The following CBLIF variants were observed in gnomAD, a reference collection of about 807,000 sequenced individuals.
The protein encoded by CBLIF is cobalamin binding intrinsic factor.
Under a neutral mutation model 44.9 loss-of-function variants are expected in CBLIF, and 24 were observed. The observed-to-expected ratio is 0.53, with a 90% confidence interval of 0.39 to 0.75. The LOEUF (loss-of-function observed/expected upper bound fraction) is 0.75, where lower values mean the gene tolerates loss of function less well. Ranked by LOEUF, CBLIF falls within the 30% of genes least tolerant of loss-of-function variation. The pLI, the probability that CBLIF is intolerant of heterozygous loss-of-function variation, is 0.00. For synonymous variants in CBLIF, 183 were observed against 190.9 expected (o/e 0.96, Z 0.34); for missense variants, 481 against 513.0 (o/e 0.94, Z 0.60).
In CBLIF at chr11:59,842,433, A is replaced by T. The variant is rs1191071469; in HGVS notation, c.511+10T>A. On this transcript the variant is annotated intron_variant, in intron 4 of 8. Coordinates refer to ENST00000257248, the MANE Select transcript of CBLIF (RefSeq NM_005142.3). ...ATGTTCCCAGCTCGGGGTAGTGGTG[A>T]CCTACTCACCTACATTGAAGGGAGA... 5.6e-6 allele frequency: 9 copies of T among 1,613,334 alleles called. No homozygotes were observed. The highest frequency in any genetic ancestry group is 7.6e-6 in the Non-Finnish European group (9 of 1,179,912).
intron 3 of CBLIF, 184 bp from the exon 4 acceptor site, chr11:59,842,767 G>T (rs1866554753): frequency 1.5e-6 from 1 of 661,292 alleles, no homozygotes; most frequent in Non-Finnish European, 2.7e-6. Context: ...CATCTGCAAA[G>T]AATAAAAGGG....
chr11:59,836,831 A>G (rs922539351), intron 6 of CBLIF, among the ~76,000 whole-genome samples: 1 of 152,232 alleles, frequency 6.6e-6, no homozygotes, highest in Non-Finnish European at 1.5e-5. Flanking sequence ...TAAGATATGC[A>G]TAGTGTTTGA....
At chr11:59,838,595 T>C (rs1866484076) in intron 5 of CBLIF, among the ~76,000 whole-genome samples, 1 of 152,162 alleles carries the variant, frequency 6.6e-6, no homozygotes, top group Non-Finnish European at 1.5e-5. Flanking sequence ...TCAGCATCTA[T>C]GAAGCATGGC....
chr11:59,831,923 G>T, intron 7 of CBLIF, 127 bp from the exon 8 acceptor site: 1 of 679,180 alleles, frequency 1.5e-6, no homozygotes, highest in Admixed American at 2.1e-5. Context: ...GTGTGACTTT[G>T]TTACCCAGGC....
intron 6 of CBLIF, among the ~76,000 whole-genome samples, chr11:59,836,898 T>C (rs1565208366): frequency 6.6e-6 from 1 of 152,228 alleles, no homozygotes; most frequent in Non-Finnish European, 1.5e-5. Flanking sequence ...GCTGGGACCA[T>C]GGAGCTTCTT....
At chr11:59,845,305 TG>T in intron 1 of CBLIF, 69 bp downstream of exon 1, 1 of 1,605,262 alleles carries the variant, frequency 6.2e-7, no homozygotes, top group Non-Finnish European at 8.5e-7. Context: ...AACCACTCAG[TG>T]TCAGAGGTCA....
At chr11:59,836,669 C>G (rs1473108292) in intron 6 of CBLIF, among the ~76,000 whole-genome samples, 1 of 152,154 alleles carries the variant, frequency 6.6e-6, no homozygotes, top group African/African-American at 2.4e-5. Context: ...TCTGAAGCCT[C>G]CCAAACAAAA....
intron 5 of CBLIF, among the ~76,000 whole-genome samples, chr11:59,840,477 G>A (rs146531045): frequency 2.0e-5 from 3 of 152,326 alleles, no homozygotes; most frequent in Non-Finnish European, 4.4e-5. Context: ...TATGGAGGCT[G>A]CTGCCCTAAT....
At chr11:59,839,581 A>G (rs902814199) in intron 5 of CBLIF, among the ~76,000 whole-genome samples, 2 of 152,232 alleles carry the variant, frequency 1.3e-5, no homozygotes, top group African/African-American at 2.4e-5. Flanking sequence ...ATTTTAGATT[A>G]GGAAAATATT....
chr11:59,831,520 A>G (rs1866374047), intron 8 of CBLIF, 158 bp downstream of exon 8: 1 of 498,122 alleles, frequency 2.0e-6, no homozygotes, highest in African/African-American at 1.9e-5. Context: ...ATGTGTGTAT[A>G]CATATATAAG....
intron 7 of CBLIF, among the ~76,000 whole-genome samples, chr11:59,834,590 G>A (rs1019776615): frequency 2.6e-5 from 4 of 151,128 alleles, no homozygotes; most frequent in African/African-American, 9.7e-5. Flanking sequence ...ATGAGGTTTC[G>A]CCATGTTGGC....
intron 4 of CBLIF, 90 bp downstream of exon 4, chr11:59,842,353 C>G: frequency 1.1e-5 from 15 of 1,390,340 alleles, no homozygotes; most frequent in Non-Finnish European, 1.5e-5. Flanking sequence ...CTCCATGGGA[C>G]GCTCTCCTTT....
In CBLIF at chr11:59,831,784, T is replaced by A. The variant is rs367861886; in HGVS notation, c.1086A>T (p.Thr362=). Reference sequence around the variant, plus strand: ...AGACGACAAGGCCCCAAGATGTCATTGTGGTTTCAAATCTAAAAAAAAGTT... The same window carrying A: ...AGACGACAAGGCCCCAAGATGTCATAGTGGTTTCAAATCTAAAAAAAAGTT... ...RKNPMFKFET[T]MTSWGLVVSS... The change falls in exon 8 of 9, where the codon ACA becomes ACT. Residue 362 remains threonine, a synonymous_variant. Transcript: ENST00000257248. 25 of 1,583,852 alleles carry A rather than the reference T, an allele frequency of 1.6e-5. No homozygotes were observed.
chr11:59,835,891 G>A lies in CBLIF; in HGVS notation c.990C>T (p.Asn330=), dbSNP rs2867802. The A allele has an allele frequency of 6.9e-3, 11,085 of 1,614,002 alleles. 548 individuals carry two copies. The Admixed American group carries it at 0.1, about 15-fold the overall frequency. Residue 330 remains asparagine (N), a synonymous_variant, in exon 7 of 9, where the codon AAC becomes AAT. Coordinates refer to ENST00000257248, the MANE Select transcript of CBLIF (RefSeq NM_005142.3). The part of the protein sequence containing the change: ...NQLRGVELLF[N]ETINVSVKSG... ...TTTTCACACTAACATTGATGGTCTC[G>A]TTGAAGAGCAGCTCAACCCCCCTCA...
Position 59,837,309 on chromosome 11 carries a change from A to G in CBLIF, c.736T>C (p.Cys246Arg). 1 of 1,613,544 alleles carries G rather than the reference A, an allele frequency of 6.2e-7. No homozygotes were observed. Among genetic ancestry groups the G allele is most frequent in the African/African-American group, 1.3e-5 (1 of 75,040 alleles). ...TPEPSKKEWN[C>R]KKTTDMILNE... ...AGTATCATATCCGTAGTCTTCTTGC[A>G]GTTCCATTCCTTTTTAGATGGCTCA... The change falls in exon 6 of 9, where the codon TGC becomes CGC. Residue 246 changes from cysteine to arginine, a missense_variant. Transcript: ENST00000257248.
intron 7 of CBLIF, among the ~76,000 whole-genome samples, chr11:59,832,612 A>C (rs1171733125): frequency 6.6e-6 from 1 of 152,062 alleles, no homozygotes; most frequent in Non-Finnish European, 1.5e-5. Flanking sequence ...ATATAGTGAA[A>C]CCCCGTCTCT....
rs777339415 is a variant in CBLIF, at chr11:59,842,487, C to T, written c.467G>A (p.Arg156His). Residue 156 changes from arginine (R) to histidine (H), a missense_variant, in exon 4 of 9, where the codon CGC becomes CAC. Transcript: ENST00000257248. Reference sequence around the variant, plus strand: ...GTTGGCCAGCAGGGTCTTGGCAAAGCGGACGGCTATCGGCAAGGTCGCCTC... The same window carrying T: ...GTTGGCCAGCAGGGTCTTGGCAAAGTGGACGGCTATCGGCAAGGTCGCCTC... Reference protein sequence around the residue: ...NSEATLPIAVRFAKTLLANSS... With the variant: ...NSEATLPIAVHFAKTLLANSS... 5.3e-5 allele frequency: 85 copies of T among 1,613,742 alleles called. No individual in the cohort carries two copies. Among genetic ancestry groups the T allele is most frequent in the Non-Finnish European group, 6.9e-5 (82 of 1,180,032 alleles).
intron 5 of CBLIF, among the ~76,000 whole-genome samples, chr11:59,839,599 A>G (rs1338440033): frequency 6.6e-6 from 1 of 152,226 alleles, no homozygotes; most frequent in East Asian, 1.9e-4. Flanking sequence ...ATTATATATT[A>G]GACACCTATT....
At chr11:59,838,248 C>T (rs1866479417) in intron 5 of CBLIF, among the ~76,000 whole-genome samples, 1 of 152,134 alleles carries the variant, frequency 6.6e-6, no homozygotes, top group Non-Finnish European at 1.5e-5. Context: ...CAGCCATTCA[C>T]CTATTTTGCT....
Sources: allele counts gnomAD v4.1 joint callset (sites outside exome capture counted in the v4.1 genomes callset), GRCh38; gene constraint gnomAD v4.1.1; transcripts MANE v1.5; gene names NCBI Gene and HGNC (gene_info 2026-07-23, HGNC 2026-07-21).